The following SNX4 variants were observed in gnomAD, a reference collection of about 807,000 sequenced individuals.
The protein encoded by SNX4 is sorting nexin 4, also known as sorting nexin-4.
Under a neutral mutation model 70.8 loss-of-function variants are expected in SNX4, and 49 were observed. The observed-to-expected ratio is 0.69, with a 90% confidence interval of 0.55 to 0.88. The LOEUF (loss-of-function observed/expected upper bound fraction) is 0.88, where lower values mean the gene tolerates loss of function less well. Among genes scored for constraint, SNX4 ranks in the 40% least tolerant of loss-of-function variants. SNX4 has a pLI of 0.00. For synonymous variants in SNX4, 206 were observed against 183.8 expected, an observed-to-expected ratio of 1.12 and a Z score of -0.98; for missense variants, 528 against 544.8, an observed-to-expected ratio of 0.97 and a Z score of 0.31.
At chr3:125,508,484 G>A (rs772468755) in intron 1 of SNX4, among the ~76,000 whole-genome samples, 9 of 151,472 alleles carry the variant, frequency 5.9e-5, no homozygotes, top group South Asian at 2.1e-4. Context: ...GAAGAATGGC[G>A]TGAACCCGGG....
At chr3:125,503,571 A>G (rs760581993) in intron 2 of SNX4, among the ~76,000 whole-genome samples, 2 of 151,838 alleles carry the variant, frequency 1.3e-5, no homozygotes, top group Admixed American at 6.6e-5. Flanking sequence ...ACCAATCTCA[A>G]TGTTTCTGTT....
intron 5 of SNX4, among the ~76,000 whole-genome samples, chr3:125,490,277 G>A (rs1934623102): frequency 6.6e-6 from 1 of 152,112 alleles, no homozygotes; most frequent in African/African-American, 2.4e-5. Flanking sequence ...GCTCACGCTT[G>A]TAATCCCAGC....
chr3:125,464,580 T>C (rs1022225423), intron 9 of SNX4, among the ~76,000 whole-genome samples: 2 of 140,866 alleles, frequency 1.4e-5, no homozygotes, highest in African/African-American at 5.3e-5. Context: ...TTTTTTTTTT[T>C]TTTTTTTTTT....
chr3:125,505,919 G>A (rs879769489), intron 1 of SNX4, among the ~76,000 whole-genome samples: 1 of 152,158 alleles, frequency 6.6e-6, no homozygotes, highest in Non-Finnish European at 1.5e-5. Context: ...AACACAGGAA[G>A]ACTTTGTCTC....
chr3:125,495,250 T>TTATA lies in SNX4; in HGVS notation c.597+2087_597+2090dup, dbSNP rs759787193. ...GAAATGTGATACACTCATTCTCTCTTTATATATATATATATATATATATAT... is the reference window on the plus strand; with the variant it reads ...GAAATGTGATACACTCATTCTCTCTTTATATATATATATATATATATATATATAT... On this transcript the variant is annotated intron_variant, in intron 5 of 13. Coordinates refer to ENST00000251775, the MANE Select transcript of SNX4 (RefSeq NM_003794.4). Among the ~76,000 whole-genome samples the TTATA allele has an allele frequency of 7.2e-3, 275 of 38,154 alleles. 23 individuals carry two copies. The East Asian group carries it at 0.079, about 11-fold the overall frequency. 25.0% of individuals were successfully genotyped at this position (38,154 alleles called of 152,430 possible).
chr3:125,519,158 A>G (rs1935342662), intron 1 of SNX4, among the ~76,000 whole-genome samples: 1 of 152,166 alleles, frequency 6.6e-6, no homozygotes, highest in African/African-American at 2.4e-5. Flanking sequence ...AATGCACACA[A>G]AAGGAGACTT....
At chr3:125,490,522 T>TC (rs1281652733) in intron 5 of SNX4, among the ~76,000 whole-genome samples, 5 of 88,454 alleles carry the variant, frequency 5.7e-5, no homozygotes, top group African/African-American at 3.0e-4. Flanking sequence ...AGACTCTGTC[T>TC]CCAAAAAAAA....
Position 125,498,206 on chromosome 3 carries a change from C to A in SNX4, c.264-12G>T, listed in dbSNP as rs1211375794. 6.3e-7 allele frequency: 1 copy of A among 1,597,446 alleles called. No individual in the cohort carries two copies. Among genetic ancestry groups the A allele is most frequent in the South Asian group, 1.1e-5 (1 of 87,858 alleles). On this transcript the variant is annotated splice_polypyrimidine_tract_variant and intron_variant, in intron 2 of 13. Coordinates refer to ENST00000251775, the MANE Select transcript of SNX4 (RefSeq NM_003794.4). ...TATGTTCAACTGACCTGAAAAGGAA[C>A]AGAACAACACTTGTTATTTTTTATA...
chr3:125,467,275 T>C (rs1278989455), intron 9 of SNX4, among the ~76,000 whole-genome samples: 2 of 151,478 alleles, frequency 1.3e-5, no homozygotes, highest in African/African-American at 4.9e-5. Flanking sequence ...TAATCCCAGC[T>C]ACTCGGGAGG....
At position 125,495,277 on chromosome 3, in the gene SNX4, T is replaced by TATATATATATATATACATACAC; in HGVS notation, c.597+2063_597+2064insGTGTATGTATATATATATATAT. ...ATATATATATATATATATATATATA[T>TATATATATATATATACATACAC]ACACATACACACACACACACGTATG... On this transcript the variant is annotated intron_variant, in intron 5 of 13. Transcript: ENST00000251775. Among the ~76,000 whole-genome samples, 392 of 99,534 alleles carry TATATATATATATATACATACAC rather than the reference T, an allele frequency of 3.9e-3. 15 individuals are homozygous for TATATATATATATATACATACAC. The highest frequency in any genetic ancestry group is 0.023 in the East Asian group (62 of 2,644). 65.3% of individuals were successfully genotyped at this position (99,534 alleles called of 152,430 possible).
chr3:125,517,360 A>G (rs1436892995), intron 1 of SNX4, among the ~76,000 whole-genome samples: 1 of 152,180 alleles, frequency 6.6e-6, no homozygotes, highest in Non-Finnish European at 1.5e-5. Flanking sequence ...GTAGAGCCCC[A>G]CTGTGCACAG....
In SNX4 at chr3:125,456,114, T is replaced by C. The variant is rs375175653; in HGVS notation, c.1044+1152A>G. On this transcript the variant is annotated intron_variant, in intron 11 of 13. Coordinates refer to ENST00000251775, the MANE Select transcript of SNX4 (RefSeq NM_003794.4). ...GTTGCTCACCATGATGGCTGATTTATTGCAATGAAATAACTGGAGTAGAAA... is the reference window on the plus strand; with the variant it reads ...GTTGCTCACCATGATGGCTGATTTACTGCAATGAAATAACTGGAGTAGAAA... Among the ~76,000 whole-genome samples, 25 of 152,338 alleles carry C rather than the reference T, an allele frequency of 1.6e-4. 1 individual carries two copies. In the South Asian group the frequency reaches 2.7e-3, roughly 16 times the overall value.
intron 5 of SNX4, among the ~76,000 whole-genome samples, chr3:125,493,608 C>A (rs1254505156): frequency 7.0e-6 from 1 of 143,766 alleles, no homozygotes; most frequent in African/African-American, 2.6e-5. Flanking sequence ...GAACCGAGAT[C>A]ACACCACGGC....
In SNX4 at chr3:125,451,363, C is replaced by T. The variant is rs201846490; in HGVS notation, c.1247G>A (p.Arg416Gln). Residue 416 changes from arginine to glutamine, a missense_variant, in exon 13 of 14, where the codon CGA becomes CAA. Arg to Gln is a conservative substitution (Grantham distance 43, BLOSUM62 1). Coordinates refer to ENST00000251775, the MANE Select transcript of SNX4 (RefSeq NM_003794.4). ...DIERFKEQKN[R>Q]DLKEALISYA... ...GCTTATGAGGGCCTCCTTTAAGTCT[C>T]GGTTCTTTTGTTCTTTGAAGCGTTC... The T allele has an allele frequency of 1.7e-5, 28 of 1,613,902 alleles. No individual in the cohort carries two copies. The East Asian group carries it at 3.8e-4, about 22-fold the overall frequency.
At chr3:125,490,590 G>C (rs1188222379) in intron 5 of SNX4, among the ~76,000 whole-genome samples, 1 of 147,854 alleles carries the variant, frequency 6.8e-6, no homozygotes. Context: ...AAACAAGCTA[G>C]ATTACAGCAA....
intron 8 of SNX4, among the ~76,000 whole-genome samples, chr3:125,473,573 C>G (rs551103134): frequency 6.6e-6 from 1 of 152,250 alleles, no homozygotes; most frequent in East Asian, 1.9e-4. Flanking sequence ...CGCCATCATG[C>G]CCGGCTAATT....
In SNX4 at chr3:125,497,883, G is replaced by A; in HGVS notation, c.500C>T (p.Ser167Leu). The part of the protein sequence containing the change: ...GLENFLLRIA[S>L]HPILCRDKIF... Reference sequence around the variant, plus strand: ...TTTGTCTCTACAAAGGATGGGATGTGAAGCAATCCTCAAGAGAAAGTTTTC... The same window carrying A: ...TTTGTCTCTACAAAGGATGGGATGTAAAGCAATCCTCAAGAGAAAGTTTTC... Residue 167 changes from serine to leucine, a missense_variant, in exon 4 of 14, where the codon TCA (serine) becomes TTA (leucine). Around this residue, in one of 3 missense-constraint regions of SNX4, gnomAD observed 341 missense variants for 312.2 expected, o/e 1.09. Coordinates refer to ENST00000251775, the MANE Select transcript of SNX4 (RefSeq NM_003794.4). The A allele has an allele frequency of 6.2e-7, 1 of 1,614,082 alleles. No homozygotes were observed. The highest frequency in any genetic ancestry group is 2.2e-5 in the East Asian group (1 of 44,878).
At chr3:125,481,777 G>C (rs901485741) in intron 6 of SNX4, among the ~76,000 whole-genome samples, 1 of 152,190 alleles carries the variant, frequency 6.6e-6, no homozygotes, top group African/African-American at 2.4e-5. Context: ...GTCTCTCAGA[G>C]GGATGTGAAT....
At chr3:125,452,785 T>G (rs2107839539) in intron 12 of SNX4, among the ~76,000 whole-genome samples, 1 of 152,100 alleles carries the variant, frequency 6.6e-6, no homozygotes, top group South Asian at 2.1e-4. Context: ...GCTCGGCTAA[T>G]TTTTTTGGTT....
Sources: gnomAD v4.1 joint callset for allele counts (sites outside exome capture counted in the v4.1 genomes callset) on GRCh38, gnomAD v4.1.1 for gene constraint, gnomAD v4.1.1 regional missense constraint, MANE v1.5 for transcripts, NCBI Gene and HGNC (gene_info 2026-07-23, HGNC 2026-07-21) for gene names.